The following ICA1L variants were observed in gnomAD, a reference collection of about 807,000 sequenced individuals.
ICA1L encodes islet cell autoantigen 1-like protein.
A neutral mutation model predicts 61.3 loss-of-function variants in ICA1L; 50 were observed. The ratio of observed to expected loss-of-function variants is 0.82; its 90% confidence interval spans 0.65 to 1.03. The LOEUF is 1.03. Among genes scored for constraint, ICA1L ranks in the 50% least tolerant of loss-of-function variants. ICA1L has a pLI of 0.00. For synonymous variants in ICA1L, 161 were observed against 191.3 expected, an observed-to-expected ratio of 0.84 and a Z score of 1.31; for missense variants, 508 against 556.7, an observed-to-expected ratio of 0.91 and a Z score of 0.88.
At chr2:202,841,161 T>G (rs1694318729) in intron 1 of ICA1L, 5 of 658,012 alleles carry the variant, frequency 7.6e-6, no homozygotes, top group Non-Finnish European at 1.4e-5. Flanking sequence ...TAGCTCTACC[T>G]TGTTCATATA....
intron 1 of ICA1L, among the ~76,000 whole-genome samples, chr2:202,839,758 C>T (rs1410716271): frequency 6.6e-6 from 1 of 151,944 alleles, no homozygotes; most frequent in African/African-American, 2.4e-5. Context: ...TTTTACAGCT[C>T]TTTTGTTCTT....
At chr2:202,840,950 C>T in intron 1 of ICA1L, 9 of 713,438 alleles carry the variant, frequency 1.3e-5, no homozygotes, top group South Asian at 1.2e-4. Context: ...TGCTCTCAGC[C>T]TCAGCCTGGC....
chr2:202,803,666 G>A (rs955625047), intron 9 of ICA1L, among the ~76,000 whole-genome samples: 13 of 151,916 alleles, frequency 8.6e-5, no homozygotes, highest in Non-Finnish European at 1.6e-4. Context: ...TTCTGGAGTA[G>A]CTGGGACTAC....
At chr2:202,814,489 A>G (rs1210777603) in intron 8 of ICA1L, among the ~76,000 whole-genome samples, 1 of 152,210 alleles carries the variant, frequency 6.6e-6, no homozygotes, top group East Asian at 1.9e-4. Flanking sequence ...CAGCAGAACC[A>G]TGAGCTAAAC....
At chr2:202,823,822 A>G (rs1023787351) in intron 3 of ICA1L, among the ~76,000 whole-genome samples, 4 of 152,228 alleles carry the variant, frequency 2.6e-5, no homozygotes, top group South Asian at 4.1e-4. Flanking sequence ...TCTGAACTCA[A>G]TTACATACTA....
intron 9 of ICA1L, among the ~76,000 whole-genome samples, chr2:202,799,963 C>T (rs778218170): frequency 1.3e-5 from 2 of 151,472 alleles, no homozygotes; most frequent in Admixed American, 6.6e-5. Flanking sequence ...CTGCATTCTC[C>T]GCCTCCCAGG....
Position 202,778,678 on chromosome 2 carries a change from T to TAATATAATATAATATAATGCATACTA in ICA1L, c.*854_*855insTAGTATGCATTATATTATATTATATT, listed in dbSNP as rs1574316928. ...TTGCTTAGGGAATATTCTCCCCTCA[T>TAATATAATATAATATAATGCATACTA]TTTATTTTCAGGAATAATATAAATA... On this transcript the variant is annotated 3_prime_UTR_variant, in exon 13 of 13. Transcript: ENST00000358299. The TAATATAATATAATATAATGCATACTA allele has an allele frequency of 2.6e-5, 4 of 152,756 alleles. No homozygotes were observed. In the East Asian group the frequency reaches 7.7e-4, roughly 29 times the overall value. 9.5% of individuals were successfully genotyped at this position (152,756 alleles called of 1,614,324 possible).
chr2:202,836,934 C>T (rs576395136), intron 1 of ICA1L, among the ~76,000 whole-genome samples: 170 of 152,050 alleles, frequency 1.1e-3, no homozygotes, highest in African/African-American at 3.9e-3. Flanking sequence ...CTCCACCTCC[C>T]GGGTTCAAGC....
chr2:202,816,417 G>A (rs1162117214), intron 6 of ICA1L, among the ~76,000 whole-genome samples: 2 of 152,108 alleles, frequency 1.3e-5, no homozygotes, highest in Non-Finnish European at 2.9e-5. Flanking sequence ...CTTTTTAATT[G>A]GAGAAAAATT....
At position 202,819,825 on chromosome 2, in the gene ICA1L, G is replaced by A; in HGVS notation, c.434C>T (p.Thr145Ile). The A allele has an allele frequency of 6.2e-7, 1 of 1,613,980 alleles. No homozygotes were observed. Among genetic ancestry groups the A allele is most frequent in the South Asian group, 1.1e-5 (1 of 91,080 alleles). The stretch of plus-strand genomic sequence containing the variant: ...CTCCATCCGATTAATTGTCATCAAG[G>A]TATCAGATACTGCCCTTTGACTGAA... ...ATFSQRAVSD[T>I]LMTINRMEQA... The change falls in exon 5 of 13, where the codon ACC (threonine) becomes ATC (isoleucine). Residue 145 changes from threonine to isoleucine, a missense_variant. By Grantham distance (89) the Thr-to-Ile change is moderately conservative. Transcript: ENST00000358299.
intron 12 of ICA1L, among the ~76,000 whole-genome samples, chr2:202,785,397 A>G (rs1692549120): frequency 6.6e-6 from 1 of 152,132 alleles, no homozygotes; most frequent in Admixed American, 6.5e-5. Context: ...AAAATGTAGT[A>G]CACTTTGTCA....
At chr2:202,818,591 A>G (rs1472296208) in intron 5 of ICA1L, among the ~76,000 whole-genome samples, 12 of 152,134 alleles carry the variant, frequency 7.9e-5, no homozygotes, top group Non-Finnish European at 1.5e-5. Context: ...AGTGAGAGAT[A>G]ACTGAATCAT....
In ICA1L at chr2:202,773,625, T is replaced by G; in HGVS notation, c.*5908A>C. ...AGCCTGATATGCTCAAAGCAAAGCC[T>G]CTTTCCCACAAACTAAATTCCATCC... On this transcript the variant is annotated 3_prime_UTR_variant, in exon 13 of 13. Coordinates refer to ENST00000358299, the MANE Select transcript of ICA1L (RefSeq NM_001288622.3). 1.6e-6 allele frequency: 1 copy of G among 636,516 alleles called. No individual in the cohort carries two copies. 39.4% of individuals were successfully genotyped at this position (636,516 alleles called of 1,614,324 possible). A position where few individuals can be genotyped will look rare whatever the true frequency, so the allele number is the denominator to read the frequency against.
chr2:202,861,398 T>C (rs1694907309), intron 1 of ICA1L, among the ~76,000 whole-genome samples: 1 of 14,750 alleles, frequency 6.8e-5, no homozygotes, highest in East Asian at 4.8e-3. Context: ...GGCGAGACTA[T>C]CTCAAAAAAA....
chr2:202,800,131 T>C (rs961117281), intron 9 of ICA1L, among the ~76,000 whole-genome samples: 14 of 152,104 alleles, frequency 9.2e-5, no homozygotes, highest in Admixed American at 3.9e-4. Flanking sequence ...TCTGCCCGCC[T>C]TGGCCTCCCA....
chr2:202,785,814 A>T, intron 12 of ICA1L, 104 bp downstream of exon 12: 2 of 601,822 alleles, frequency 3.3e-6, no homozygotes, highest in East Asian at 3.0e-5. Flanking sequence ...AAACTTTTTC[A>T]GGACAATGAG....
rs900820257 is a variant in ICA1L, at chr2:202,774,310, C to T, written c.*5223G>A. 4.9e-4 allele frequency: 733 copies of T among 1,499,266 alleles called. No individual in the cohort carries two copies. The highest frequency in any genetic ancestry group is 6.0e-4 in the Non-Finnish European group (676 of 1,130,666). 92.9% of individuals were successfully genotyped at this position (1,499,266 alleles called of 1,614,324 possible). On this transcript the variant is annotated 3_prime_UTR_variant, in exon 13 of 13. Coordinates refer to ENST00000358299, the MANE Select transcript of ICA1L (RefSeq NM_001288622.3). The stretch of plus-strand genomic sequence containing the variant: ...ACCTACGGGCGACCGCGGACGGCGG[C>T]GCGCGCGTTCCCCGCAGCGCTGAGG...
intron 1 of ICA1L, chr2:202,840,906 A>G: frequency 4.2e-6 from 3 of 708,438 alleles, no homozygotes; most frequent in East Asian, 6.6e-5. Context: ...CTTCCCAGCC[A>G]GCGTCTGCAG....
rs1693518414 is a variant in ICA1L, at chr2:202,815,898, G to A, written c.783+13C>T. ...TAATACATCTAAACAAGAGAACATG[G>A]AACACAATGTACCTTGAGAGCTACA... is the stretch of plus-strand genomic sequence containing the variant. On this transcript the variant is annotated intron_variant, in intron 7 of 12. Transcript: ENST00000358299. 2 of 1,495,216 alleles carry A rather than the reference G, an allele frequency of 1.3e-6. No individual in the cohort carries two copies. The allele number at this position is 1,495,216 out of a possible 1,614,324, so 92.6% of individuals were successfully genotyped here.
Sources: gnomAD v4.1 joint callset for allele counts (sites outside exome capture counted in the v4.1 genomes callset) on GRCh38, gnomAD v4.1.1 for gene constraint, MANE v1.5 for transcripts, NCBI Gene and HGNC (gene_info 2026-07-23, HGNC 2026-07-21) for gene names.